FAM168A: variants seen among roughly 807,000 people sequenced by gnomAD.
The protein encoded by FAM168A is protein FAM168A.
Under a neutral mutation model 28.5 loss-of-function variants are expected in FAM168A, and 3 were observed. The observed-to-expected ratio is 0.11, with a 90% CI of 0.05 to 0.27. FAM168A has a LOEUF of 0.27. Among genes scored for constraint, FAM168A ranks in the 10% least tolerant of loss-of-function variants. The probability of loss-of-function intolerance (pLI) is 1.00; values close to 1 mark genes in which losing one functional copy is unlikely to be tolerated. For missense variants in FAM168A, 222 were observed against 311.5 expected, an observed-to-expected ratio of 0.71 and a Z score of 2.16; for synonymous variants, 122 against 124.2, an observed-to-expected ratio of 0.98 and a Z score of 0.12.
chr11:73,569,444 G>A (rs1944060107), intron 1 of FAM168A, among the ~76,000 whole-genome samples: 1 of 152,184 alleles, frequency 6.6e-6, no homozygotes, highest in Admixed American at 6.5e-5. Flanking sequence ...CGCACAGAAA[G>A]ATTTTTAGGG....
At chr11:73,408,773 C>A (rs1322579982) in intron 6 of FAM168A, among the ~76,000 whole-genome samples, 1 of 147,202 alleles carries the variant, frequency 6.8e-6, no homozygotes. Flanking sequence ...AAAGCAAGAC[C>A]CTGTCTCAAA....
chr11:73,558,154 T>C (rs1001027364), intron 1 of FAM168A, among the ~76,000 whole-genome samples: 3 of 152,072 alleles, frequency 2.0e-5, no homozygotes, highest in Non-Finnish European at 4.4e-5. Flanking sequence ...TTCATCAAAA[T>C]TTAAAATTTT....
chr11:73,407,522 C>T lies in FAM168A; in HGVS notation c.*9G>A. On this transcript the variant is annotated 3_prime_UTR_variant, in exon 7 of 8. Coordinates refer to ENST00000356467, the MANE Select transcript of FAM168A (RefSeq NM_015159.3). ...CCCTGGCCACACTCACTTGGATGGGCTGCAGGCTTTACCAGTGTGGGGGCA... is the reference window on the plus strand; with the variant it reads ...CCCTGGCCACACTCACTTGGATGGGTTGCAGGCTTTACCAGTGTGGGGGCA... The T allele has an allele frequency of 6.4e-7, 1 of 1,568,298 alleles. No individual in the cohort carries two copies. Among genetic ancestry groups the T allele is most frequent in the South Asian group, 1.2e-5 (1 of 84,334 alleles).
chr11:73,483,809 A>T (rs574526661), intron 1 of FAM168A, among the ~76,000 whole-genome samples: 1 of 152,316 alleles, frequency 6.6e-6, no homozygotes, highest in South Asian at 2.1e-4. Context: ...GAATCTGGAA[A>T]TACTGATTTG....
chr11:73,429,728 A>G (rs183876667), intron 3 of FAM168A, among the ~76,000 whole-genome samples: 231 of 152,218 alleles, frequency 1.5e-3, no homozygotes, highest in African/African-American at 5.1e-3. Context: ...TCCTCCTTCC[A>G]TGTATTCCTT....
chr11:73,535,282 C>T (rs1052276173), intron 1 of FAM168A, among the ~76,000 whole-genome samples: 17 of 152,036 alleles, frequency 1.1e-4, no homozygotes, highest in African/African-American at 3.6e-4. Context: ...GAGAATCACA[C>T]AAGGCTGGAG....
chr11:73,520,611 C>T (rs556053734), intron 1 of FAM168A, among the ~76,000 whole-genome samples: 7 of 152,248 alleles, frequency 4.6e-5, no homozygotes, highest in African/African-American at 1.7e-4. Context: ...ACATAAATCA[C>T]ACCTGATTCG....
chr11:73,408,995 T>C (rs1866558867), intron 6 of FAM168A, among the ~76,000 whole-genome samples: 1 of 152,032 alleles, frequency 6.6e-6, no homozygotes, highest in South Asian at 2.1e-4. Flanking sequence ...CCTACTTGCT[T>C]CCAGATCACC....
At position 73,496,873 on chromosome 11, in the gene FAM168A, T is replaced by TCACACACACACACACACA. The variant is rs71065011; in HGVS notation, c.-18-28399_-18-28382dup. ...CTGCACCCAGCCCTGTATGTTCTTA[T>TCACACACACACACACACA]CACACACACACACACACACACACAC... On this transcript the variant is annotated intron_variant, in intron 1 of 7. Transcript: ENST00000356467. 8.5e-3 allele frequency among the ~76,000 whole-genome samples: 1,195 copies of TCACACACACACACACACA among 140,174 alleles called. 21 individuals are homozygous for TCACACACACACACACACA. Among genetic ancestry groups the TCACACACACACACACACA allele is most frequent in the African/African-American group, 0.031 (1,141 of 36,830 alleles). 92.0% of individuals were successfully genotyped at this position (140,174 alleles called of 152,430 possible).
chr11:73,593,724 A>G (rs1944408982), intron 1 of FAM168A, among the ~76,000 whole-genome samples: 1 of 152,236 alleles, frequency 6.6e-6, no homozygotes, highest in Non-Finnish European at 1.5e-5. Context: ...AATGTGTACT[A>G]TAAAACATAT....
intron 4 of FAM168A, among the ~76,000 whole-genome samples, chr11:73,414,085 C>T (rs922708461): frequency 6.6e-6 from 1 of 152,114 alleles, no homozygotes; most frequent in African/African-American, 2.4e-5. Context: ...GGGAGGTGAA[C>T]TGTGAATCTC....
chr11:73,531,802 C>T (rs1384874581), intron 1 of FAM168A, among the ~76,000 whole-genome samples: 1 of 121,824 alleles, frequency 8.2e-6, no homozygotes, highest in African/African-American at 3.4e-5. Context: ...CCAAGTATCA[C>T]TTTTTTTTTT....
At chr11:73,477,520 A>C (rs1867905008) in intron 1 of FAM168A, among the ~76,000 whole-genome samples, 1 of 152,204 alleles carries the variant, frequency 6.6e-6, no homozygotes, top group African/African-American at 2.4e-5. Flanking sequence ...TTGGATAAAC[A>C]CAAAAAGATC....
intron 1 of FAM168A, among the ~76,000 whole-genome samples, chr11:73,568,612 C>G (rs955588993): frequency 1.1e-4 from 17 of 152,150 alleles, no homozygotes; most frequent in African/African-American, 3.6e-4. Flanking sequence ...GAACTAGACC[C>G]TTGGTCGGGG....
intron 1 of FAM168A, among the ~76,000 whole-genome samples, chr11:73,512,121 T>C (rs1460287516): frequency 2.0e-5 from 3 of 152,148 alleles, no homozygotes; most frequent in African/African-American, 7.2e-5. Context: ...TCCAGTCCTA[T>C]GCTAGGTACT....
chr11:73,460,234 G>A (rs1867620569), intron 2 of FAM168A, among the ~76,000 whole-genome samples: 1 of 152,052 alleles, frequency 6.6e-6, no homozygotes, highest in Non-Finnish European at 1.5e-5. Flanking sequence ...TCCCGCACTG[G>A]CTACCTGTCC....
chr11:73,590,813 A>G (rs141862114), intron 1 of FAM168A, among the ~76,000 whole-genome samples: 1,873 of 152,246 alleles, frequency 0.012, 37 homozygotes, highest in African/African-American at 0.043. Context: ...GGGTGATTCT[A>G]AAGAGTAGCC....
intron 1 of FAM168A, among the ~76,000 whole-genome samples, chr11:73,523,995 T>G (rs1943418347): frequency 6.6e-6 from 1 of 151,912 alleles, no homozygotes; most frequent in Non-Finnish European, 1.5e-5. Flanking sequence ...CTCAAAGCAC[T>G]GGTATAGGTA....
Position 73,429,026 on chromosome 11 carries a change from A to G in FAM168A, c.151+1664T>C, listed in dbSNP as rs946461831. Reference sequence around the variant, plus strand: ...TTGTCCAAAAAACAGGGGCTGTCTGATAACTTCTTGGTGTGTGTGTATAAT... The same window carrying G: ...TTGTCCAAAAAACAGGGGCTGTCTGGTAACTTCTTGGTGTGTGTGTATAAT... On this transcript the variant is annotated intron_variant, in intron 3 of 7. Coordinates refer to ENST00000356467, the MANE Select transcript of FAM168A (RefSeq NM_015159.3). 3.9e-5 allele frequency among the ~76,000 whole-genome samples: 6 copies of G among 152,210 alleles called. 1 individual carries two copies. The highest frequency in any genetic ancestry group is 1.2e-4 in the African/African-American group (5 of 41,448).
Sources: gnomAD v4.1 joint callset for allele counts (sites outside exome capture counted in the v4.1 genomes callset) on GRCh38, gnomAD v4.1.1 for gene constraint, MANE v1.5 for transcripts, NCBI Gene and HGNC (gene_info 2026-07-23, HGNC 2026-07-21) for gene names.